SHANK2: variants seen among roughly 807,000 people sequenced by gnomAD.
SHANK2 encodes the protein SH3 and multiple ankyrin repeat domains 2.
SHANK2 carries 43 observed loss-of-function variants against 133.7 expected under a neutral mutation model. That is an observed-to-expected ratio of 0.32 (90% CI 0.25 to 0.41). The LOEUF (loss-of-function observed/expected upper bound fraction) is 0.41, where lower values mean the gene tolerates loss of function less well. Among genes scored for constraint, SHANK2 ranks in the 10% least tolerant of loss-of-function variants. The probability of loss-of-function intolerance (pLI) is 1.00; values close to 1 mark genes in which losing one functional copy is unlikely to be tolerated. For synonymous variants in SHANK2, 1,017 were observed against 952.8 expected, an observed-to-expected ratio of 1.07 and a Z score of -1.24; for missense variants, 1,994 against 2,235.8, an observed-to-expected ratio of 0.89 and a Z score of 2.18.
chr11:70,884,243 G>A (rs1392078319), intron 11 of SHANK2, among the ~76,000 whole-genome samples: 4 of 152,216 alleles, frequency 2.6e-5, no homozygotes, highest in South Asian at 2.1e-4. Context: ...CTTCTCACAC[G>A]TGGTGGGCAG....
intron 12 of SHANK2, among the ~76,000 whole-genome samples, chr11:70,809,534 C>T (rs1405004494): frequency 6.6e-6 from 1 of 152,182 alleles, no homozygotes; most frequent in African/African-American, 2.4e-5. Context: ...TACAGAAGGG[C>T]AATGGGGCTG....
chr11:70,766,674 C>T (rs986721489), intron 14 of SHANK2, among the ~76,000 whole-genome samples: 9 of 152,136 alleles, frequency 5.9e-5, no homozygotes, highest in Non-Finnish European at 7.3e-5. Context: ...CAGACGGGGC[C>T]GGAATGCTCC....
rs1565442314 is a variant in SHANK2, at chr11:71,086,137, ATATAT to A, written c.912+6280_912+6284del. On this transcript the variant is annotated intron_variant, in intron 8 of 25. Transcript: ENST00000601538. ...GTTATATAATATATTAAATTATATAATATATTATGTTATATAATATATTAAATTAT... is the reference window on the plus strand; with the variant it reads ...GTTATATAATATATTAAATTATATAATATGTTATATAATATATTAAATTAT... Among the ~76,000 whole-genome samples the A allele has an allele frequency of 7.2e-4, 6 of 8,340 alleles. 1 individual carries two copies. The highest frequency in any genetic ancestry group is 1.2e-3 in the African/African-American group (6 of 4,990). 5.5% of individuals were successfully genotyped at this position (8,340 alleles called of 152,430 possible).
At chr11:70,932,706 G>T (rs1772357181) in intron 10 of SHANK2, among the ~76,000 whole-genome samples, 2 of 152,246 alleles carry the variant, frequency 1.3e-5, no homozygotes, top group South Asian at 4.1e-4. Flanking sequence ...GCGGGGCAGG[G>T]GCTCTCCTAA....
intron 14 of SHANK2, among the ~76,000 whole-genome samples, chr11:70,752,595 A>G (rs1946774910): frequency 6.6e-6 from 1 of 151,156 alleles, no homozygotes; most frequent in African/African-American, 2.4e-5. Context: ...AGTCCCAGCT[A>G]CTCGGGAGGC....
At chr11:71,161,781 C>A (rs1804532115) in intron 2 of SHANK2, among the ~76,000 whole-genome samples, 1 of 152,228 alleles carries the variant, frequency 6.6e-6, no homozygotes, top group Admixed American at 6.5e-5. Flanking sequence ...CAAGCTGCAA[C>A]CCAACTACCT....
intron 11 of SHANK2, among the ~76,000 whole-genome samples, chr11:70,878,290 G>T (rs902899772): frequency 1.3e-5 from 2 of 152,150 alleles, no homozygotes; most frequent in African/African-American, 4.8e-5. Context: ...CCAAAGGCAG[G>T]ACCCTGGGAG....
At chr11:70,928,683 C>T (rs1950462349) in intron 10 of SHANK2, among the ~76,000 whole-genome samples, 1 of 151,938 alleles carries the variant, frequency 6.6e-6, no homozygotes, top group South Asian at 2.1e-4. Flanking sequence ...CAATGGGATC[C>T]ATGGGGCAGA....
At chr11:70,814,714 C>T (rs1948353274) in intron 12 of SHANK2, among the ~76,000 whole-genome samples, 1 of 152,182 alleles carries the variant, frequency 6.6e-6, no homozygotes, top group African/African-American at 2.4e-5. Flanking sequence ...GTGCAATGGA[C>T]GACGCATGGA....
At chr11:70,678,920 G>T (rs1944966614) in intron 15 of SHANK2, among the ~76,000 whole-genome samples, 1 of 152,130 alleles carries the variant, frequency 6.6e-6, no homozygotes, top group African/African-American at 2.4e-5. Flanking sequence ...GTATTCATTT[G>T]CCTTGACATA....
chr11:70,873,156 T>C (rs1555070537), intron 11 of SHANK2: 1 of 467,398 alleles, frequency 2.1e-6, no homozygotes, highest in East Asian at 7.0e-5. Flanking sequence ...CAAAGAGCCG[T>C]TGCCACAGCA....
chr11:71,102,259 ATT>A (rs200741439), intron 6 of SHANK2, among the ~76,000 whole-genome samples: 42 of 146,516 alleles, frequency 2.9e-4, no homozygotes, highest in African/African-American at 1.0e-3. Flanking sequence ...GGAAGTCTTT[ATT>A]TTTTTTTTTT....
chr11:71,109,417 G>A (rs145812676), intron 6 of SHANK2, among the ~76,000 whole-genome samples: 25 of 152,282 alleles, frequency 1.6e-4, no homozygotes, highest in Admixed American at 5.2e-4. Context: ...GGATGGCCGC[G>A]CTGCAAAGAC....
Position 70,820,456 on chromosome 11 carries a change from G to C in SHANK2, c.1401C>G (p.Tyr467Ter). 1 of 714,874 alleles carries C rather than the reference G, an allele frequency of 1.4e-6. No homozygotes were observed. The highest frequency in any genetic ancestry group is 1.7e-5 in the African/African-American group (1 of 57,328). 44.3% of individuals were successfully genotyped at this position (714,874 alleles called of 1,614,324 possible). ...GGGACCGGCTGCGGGGCCCGGGCAC[G>C]TAGCTCCCAATGGTCTTCGCGGCCC... ...PEGAAKTIGS[Y>*]VPGPRSRSPS... is the part of the protein sequence containing the mutation. Residue 467 changes from tyrosine to a stop codon, truncating the protein, a stop_gained, in exon 12 of 26, where the codon TAC (tyrosine) becomes TAG (stop). Coordinates refer to ENST00000601538, the MANE Select transcript of SHANK2 (RefSeq NM_012309.5). LOFTEE classifies it high-confidence loss of function.
At chr11:70,627,736 A>T (rs1555000440) in intron 17 of SHANK2, among the ~76,000 whole-genome samples, 3 of 152,238 alleles carry the variant, frequency 2.0e-5, no homozygotes, top group African/African-American at 7.2e-5. Flanking sequence ...ATTTTATACA[A>T]CATTTAAAGA....
intron 8 of SHANK2, among the ~76,000 whole-genome samples, chr11:71,082,292 C>T (rs1257262234): frequency 1.3e-5 from 2 of 152,182 alleles, no homozygotes; most frequent in Non-Finnish European, 2.9e-5. Context: ...TTGGACACCG[C>T]GGTCACTGCG....
chr11:71,252,992 C>T (rs1215239551), upstream of SHANK2, among the ~76,000 whole-genome samples: 4 of 152,240 alleles, frequency 2.6e-5, no homozygotes, highest in East Asian at 1.9e-4. This position sits in a 1 kb window ranked among gnomAD's most constrained non-coding sequence, Gnocchi z 6.3. Context: ...ATAGAGGCTG[C>T]CTGCACATCA....
rs140286970 is a variant in SHANK2, at chr11:70,486,846, C to G, written c.3447G>C (p.Thr1149=). 6.2e-7 allele frequency: 1 copy of G among 1,612,702 alleles called. No homozygotes were observed. Among genetic ancestry groups the G allele is most frequent in the Non-Finnish European group, 8.5e-7 (1 of 1,179,932 alleles). The change falls in exon 25 of 26, where the codon ACG becomes ACC. Residue 1149 remains threonine (T), a synonymous_variant. Transcript: ENST00000601538. The surrounding 1 kb of genome is among the most constrained non-coding windows in gnomAD (Gnocchi z 8.0). ...EQLSSPMPSA[T]PREPENHFVG... is the part of the protein sequence containing the mutation. The stretch of plus-strand genomic sequence containing the variant: ...CGAAATGGTTTTCGGGCTCCCTGGG[C>G]GTGGCACTCGGCATGGGGGATGACA...
intron 11 of SHANK2, among the ~76,000 whole-genome samples, chr11:70,823,457 C>A: frequency 8.1e-6 from 1 of 123,936 alleles, no homozygotes; most frequent in East Asian, 2.6e-4. Flanking sequence ...TCATAGGGGA[C>A]AGAGGTGGCG....
Sources: allele counts gnomAD v4.1 joint callset (sites outside exome capture counted in the v4.1 genomes callset), GRCh38; gene constraint gnomAD v4.1.1; non-coding constraint Gnocchi (gnomAD v3.1); transcripts MANE v1.5; gene names NCBI Gene and HGNC (gene_info 2026-07-23, HGNC 2026-07-21).